The following ROR1 variants were observed in gnomAD, a reference collection of about 807,000 sequenced individuals.
ROR1 encodes the protein inactive tyrosine-protein kinase transmembrane receptor ROR1.
ROR1 carries 19 observed loss-of-function variants against 78.8 expected under a neutral mutation model. The ratio of observed to expected loss-of-function variants is 0.24; its 90% CI spans 0.17 to 0.35. The LOEUF is 0.35. Ranked by LOEUF, ROR1 falls within the 10% of genes least tolerant of loss-of-function variation. The pLI, the probability that ROR1 is intolerant of heterozygous loss-of-function variation, is 1.00. For missense variants in ROR1, 917 were observed against 1,177.8 expected, an observed-to-expected ratio of 0.78 and a Z score of 3.24; for synonymous variants, 386 against 433.6, an observed-to-expected ratio of 0.89 and a Z score of 1.36.
intron 1 of ROR1, among the ~76,000 whole-genome samples, chr1:63,975,912 AG>A (rs1443011230): frequency 6.6e-6 from 1 of 152,232 alleles, no homozygotes; most frequent in Non-Finnish European, 1.5e-5. Context: ...TGTTGGCTGA[AG>A]AGTAAATCAC....
At chr1:63,929,272 G>A (rs1215389233) in intron 1 of ROR1, among the ~76,000 whole-genome samples, 4 of 152,096 alleles carry the variant, frequency 2.6e-5, no homozygotes, top group Non-Finnish European at 5.9e-5. Context: ...CCTGACCTTG[G>A]GGAATTTTGC....
chr1:63,780,598 G>C (rs1644645350), intron 1 of ROR1, among the ~76,000 whole-genome samples: 1 of 152,154 alleles, frequency 6.6e-6, no homozygotes, highest in African/African-American at 2.4e-5. Flanking sequence ...CCTGCTGCAA[G>C]GTAGCAACCA....
intron 2 of ROR1, among the ~76,000 whole-genome samples, chr1:64,035,519 G>A (rs1646695090): frequency 6.6e-6 from 1 of 151,498 alleles, no homozygotes; most frequent in Non-Finnish European, 1.5e-5. Flanking sequence ...TCTGGTGAGA[G>A]TTGATTGGAC....
intron 2 of ROR1, among the ~76,000 whole-genome samples, chr1:64,029,161 G>A (rs1456510944): frequency 6.6e-6 from 1 of 152,044 alleles, no homozygotes; most frequent in African/African-American, 2.4e-5. Context: ...CTGGGTGGAA[G>A]GTACTTAACC....
At chr1:63,781,006 A>T (rs1438633982) in intron 1 of ROR1, among the ~76,000 whole-genome samples, 5 of 152,196 alleles carry the variant, frequency 3.3e-5, no homozygotes, top group Non-Finnish European at 7.3e-5. Context: ...TCTGAGTAGA[A>T]GAAAAAAAGT....
chr1:63,798,004 A>G (rs1424878235), intron 1 of ROR1, among the ~76,000 whole-genome samples: 1 of 152,178 alleles, frequency 6.6e-6, no homozygotes, highest in Non-Finnish European at 1.5e-5. Flanking sequence ...GAGAGGCTGC[A>G]TTCTTCATCT....
chr1:64,178,779 A>T lies in ROR1; in HGVS notation c.2738A>T (p.Asp913Val), dbSNP rs535561270. 6.2e-7 allele frequency: 1 copy of T among 1,614,056 alleles called. No homozygotes were observed. The highest frequency in any genetic ancestry group is 2.2e-5 in the East Asian group (1 of 44,868). Residue 913 changes from aspartate (D) to valine (V), a missense_variant, in exon 9 of 9, where the codon GAC becomes GTC. Physicochemically the swap from Asp to Val is radical, Grantham distance 152. Coordinates refer to ENST00000371079, the MANE Select transcript of ROR1 (RefSeq NM_005012.4). This position sits in a 1 kb window ranked among gnomAD's most constrained non-coding sequence, Gnocchi z 4.3. ...AAATCTCAAAAACCCTACAAAATTGACTCAAAGCAAGCATCTTTACTAGGA... is the reference window on the plus strand; with the variant it reads ...AAATCTCAAAAACCCTACAAAATTGTCTCAAAGCAAGCATCTTTACTAGGA... ...GNKSQKPYKIDSKQASLLGDA... is the reference protein window; with the variant it reads ...GNKSQKPYKIVSKQASLLGDA...
intron 6 of ROR1, 106 bp from the exon 7 acceptor site, chr1:64,142,299 A>T (rs1649340911): frequency 6.6e-7 from 1 of 1,505,176 alleles, no homozygotes; most frequent in African/African-American, 1.4e-5. Flanking sequence ...AGCTGTGGCC[A>T]CGAGGTTAAT....
intron 4 of ROR1, among the ~76,000 whole-genome samples, chr1:64,065,995 T>C (rs1169315792): frequency 6.6e-6 from 1 of 152,200 alleles, no homozygotes; most frequent in African/African-American, 2.4e-5. Context: ...AATGGTAAAG[T>C]CATCCAGGTA....
intron 1 of ROR1, among the ~76,000 whole-genome samples, chr1:63,951,164 G>A (rs1184319220): frequency 6.6e-6 from 1 of 152,190 alleles, no homozygotes; most frequent in Non-Finnish European, 1.5e-5. Flanking sequence ...GCTCACCTCA[G>A]AGGTCACAGA....
At chr1:64,142,986 C>A (rs1044063315) in intron 7 of ROR1, 16 of 1,097,340 alleles carry the variant, frequency 1.5e-5, no homozygotes, top group East Asian at 1.2e-4. Context: ...TCCAAGTGGA[C>A]CTTTTCAGCA....
chr1:64,074,709 C>G lies in ROR1; in HGVS notation c.482+23993C>G, dbSNP rs369346356. Among the ~76,000 whole-genome samples, 11 of 152,186 alleles carry G rather than the reference C, an allele frequency of 7.2e-5. No homozygotes were observed. In the East Asian group the frequency reaches 1.5e-3, roughly 21 times the overall value. Reference sequence around the variant, plus strand: ...GGAAAATCCACACCAGATTGTGCTACCAGTTTGGGCAAGTATATGACTCTA... The same window carrying G: ...GGAAAATCCACACCAGATTGTGCTAGCAGTTTGGGCAAGTATATGACTCTA... On this transcript the variant is annotated intron_variant, in intron 4 of 8. Transcript: ENST00000371079.
chr1:64,089,876 C>T (rs144426219), intron 4 of ROR1, among the ~76,000 whole-genome samples: 147 of 152,196 alleles, frequency 9.7e-4, no homozygotes, highest in African/African-American at 3.5e-3. Context: ...ATAATTGAAT[C>T]GTCGGGGCAG....
chr1:64,121,286 G>T lies in ROR1; in HGVS notation c.483-16083G>T, dbSNP rs184103170. ...CCTCCTGTTTCTTTATTTTGGTAAG[G>T]ACCTGACCCAGAGGTGGTACACCTT... is the stretch of plus-strand genomic sequence containing the variant. On this transcript the variant is annotated intron_variant, in intron 4 of 8. Transcript: ENST00000371079. Among the ~76,000 whole-genome samples, 231 of 145,232 alleles carry T rather than the reference G, an allele frequency of 1.6e-3. 2 individuals carry two copies. The highest frequency in any genetic ancestry group is 5.7e-3 in the African/African-American group (223 of 38,846).
chr1:63,889,842 T>C (rs944766774), intron 1 of ROR1, among the ~76,000 whole-genome samples: 5 of 152,184 alleles, frequency 3.3e-5, no homozygotes, highest in Admixed American at 3.3e-4. Context: ...GAAGATTTTG[T>C]TTTTCTCTTC....
At chr1:64,137,812 G>A (rs554032144) in intron 5 of ROR1, among the ~76,000 whole-genome samples, 13 of 152,310 alleles carry the variant, frequency 8.5e-5, no homozygotes, top group Middle Eastern at 3.4e-3. Flanking sequence ...AATAAGCCAG[G>A]TACGTCTCTG....
chr1:64,144,566 C>T (rs1649425446), intron 7 of ROR1, among the ~76,000 whole-genome samples: 1 of 152,208 alleles, frequency 6.6e-6, no homozygotes, highest in Middle Eastern at 3.2e-3. Flanking sequence ...CTATGTGAGA[C>T]ACCTTACCTC....
chr1:63,912,681 A>G (rs764741614), intron 1 of ROR1, among the ~76,000 whole-genome samples: 1 of 152,176 alleles, frequency 6.6e-6, no homozygotes, highest in Non-Finnish European at 1.5e-5. Flanking sequence ...CTGTTGGGCT[A>G]AGAGGCTGGG....
chr1:64,141,363 GT>G (rs781408967), intron 6 of ROR1, among the ~76,000 whole-genome samples: 37 of 152,282 alleles, frequency 2.4e-4, no homozygotes, highest in Admixed American at 1.3e-4. Flanking sequence ...AAGAGAGTGA[GT>G]GGGGAAGTGC....
Sources: allele counts gnomAD v4.1 joint callset (sites outside exome capture counted in the v4.1 genomes callset), GRCh38; gene constraint gnomAD v4.1.1; non-coding constraint Gnocchi (gnomAD v3.1); transcripts MANE v1.5; gene names NCBI Gene and HGNC (gene_info 2026-07-23, HGNC 2026-07-21).